Variants in IL12RB1 observed in about 807,000 individuals in gnomAD.
The protein encoded by IL12RB1 is interleukin-12 receptor subunit beta-1.
Under a neutral mutation model 94.4 loss-of-function variants are expected in IL12RB1, and 64 were observed. The observed-to-expected ratio is 0.68, with a 90% CI of 0.55 to 0.83. IL12RB1 has a LOEUF of 0.83. IL12RB1 is among the 40% of genes least tolerant of loss of function. The pLI, the probability that IL12RB1 is intolerant of heterozygous loss-of-function variation, is 0.00. For synonymous variants in IL12RB1, 362 were observed against 355.5 expected (o/e 1.02, Z -0.21); for missense variants, 814 against 855.6 (o/e 0.95, Z 0.61).
exon 1 of IL12RB1, chr19:18,098,833 C>T (rs2037275438): frequency 2.2e-6 from 1 of 456,114 alleles, no homozygotes; most frequent in Non-Finnish European, 4.4e-6. Context: ...TCTGGAGCTG[C>T]CCTCCTAGAA....
chr19:18,066,021 G>T (rs2034553349), intron 12 of IL12RB1, among the ~76,000 whole-genome samples: 1 of 147,458 alleles, frequency 6.8e-6, no homozygotes, highest in African/African-American at 2.5e-5. Flanking sequence ...CCTGGGCACA[G>T]AGTGAGTCCC....
intron 13 of IL12RB1, among the ~76,000 whole-genome samples, chr19:18,063,567 A>G (rs12976908): frequency 0.28 from 42,068 of 152,026 alleles, 7,456 homozygotes; most frequent in Non-Finnish European, 0.39. Flanking sequence ...GGCCAGAAGG[A>G]GGCAGAGAAG....
At chr19:18,065,931 A>C (rs1424026311) in intron 12 of IL12RB1, among the ~76,000 whole-genome samples, 2 of 148,814 alleles carry the variant, frequency 1.3e-5, no homozygotes, top group African/African-American at 4.9e-5. Flanking sequence ...TCCAGCTACT[A>C]GGGAGGCTGA....
rs1159530606 is a variant in IL12RB1, at chr19:18,066,708, T to A, written c.1328-11A>T. The A allele has an allele frequency of 6.2e-7, 1 of 1,603,902 alleles. No individual in the cohort carries two copies. The highest frequency in any genetic ancestry group is 8.5e-7 in the Non-Finnish European group (1 of 1,172,986). On this transcript the variant is annotated splice_polypyrimidine_tract_variant and intron_variant, in intron 11 of 16. Transcript: ENST00000593993. ...TCCCAGCTGCTGAGGCTGCAACCAG[T>A]ACCATTGTCATAGTCAACACCAAGA...
At chr19:18,082,841 C>A (rs1017791861) in intron 2 of IL12RB1, among the ~76,000 whole-genome samples, 3 of 152,162 alleles carry the variant, frequency 2.0e-5, no homozygotes, top group African/African-American at 7.2e-5. Flanking sequence ...CTTTGGGAGG[C>A]TGAGGCAGGT....
chr19:18,066,232 C>T (rs1327802131), intron 12 of IL12RB1, among the ~76,000 whole-genome samples: 4 of 152,014 alleles, frequency 2.6e-5, no homozygotes, highest in African/African-American at 9.6e-5. Flanking sequence ...CTCAGCCTCC[C>T]GTGTAGCTAG....
chr19:18,078,938 C>T (rs1385885808), intron 4 of IL12RB1, among the ~76,000 whole-genome samples: 5 of 151,938 alleles, frequency 3.3e-5, no homozygotes, highest in Non-Finnish European at 4.4e-5. Context: ...CAGGGGCCCA[C>T]GCCTGTACTC....
chr19:18,080,370 C>T (rs1056071026), intron 4 of IL12RB1, among the ~76,000 whole-genome samples: 1 of 152,146 alleles, frequency 6.6e-6, no homozygotes, highest in African/African-American at 2.4e-5. Context: ...TCCCCAGTAG[C>T]TGGGACTACA....
At chr19:18,097,707 C>A in intron 1 of IL12RB1, 2 of 925,340 alleles carry the variant, frequency 2.2e-6, no homozygotes, top group Non-Finnish European at 1.4e-6. Context: ...TGTCAGCTGA[C>A]CGGCCTGGCC....
rs1384557199 is a variant in IL12RB1, at chr19:18,075,867, C to T, written c.582G>A (p.Glu194=). The part of the protein sequence containing the change: ...GDCGPQDDDT[E]SCLCPLEMNV... ...TCATCTCCAGGGGGCAGAGGCAGGA[C>T]TCTGGGGAGAGGCAGGTCGAACATC... Residue 194 remains glutamate, a splice_region_variant and synonymous_variant, in exon 7 of 17, where the codon GAG becomes GAA. Transcript: ENST00000593993. 1 of 1,613,576 alleles carries T rather than the reference C, an allele frequency of 6.2e-7. No homozygotes were observed. Among genetic ancestry groups the T allele is most frequent in the Non-Finnish European group, 8.5e-7 (1 of 1,179,536 alleles).
At position 18,066,597 on chromosome 19, in the gene IL12RB1, G is replaced by A. The variant is rs774098396; in HGVS notation, c.1428C>T (p.Gly476=). ...AGCGGACAACATACTCCTTTAGGAC[G>A]CCGGGACAGGTGCTCAGCAGGGATG... ...WAPSLLSTCP[G]VLKEYVVRCR... is the part of the protein sequence containing the mutation. The change falls in exon 12 of 17, where the codon GGC becomes GGT. Residue 476 remains glycine, a synonymous_variant. Coordinates refer to ENST00000593993, the MANE Select transcript of IL12RB1 (RefSeq NM_005535.3). The A allele has an allele frequency of 4.6e-5, 74 of 1,613,292 alleles. No homozygotes were observed. In the Admixed American group the frequency reaches 9.8e-4, roughly 21 times the overall value.
At chr19:18,080,108 T>C (rs2035787388) in intron 4 of IL12RB1, among the ~76,000 whole-genome samples, 1 of 151,886 alleles carries the variant, frequency 6.6e-6, no homozygotes, top group Non-Finnish European at 1.5e-5. Context: ...CAGGCTGGAA[T>C]GCAGTGACTT....
At chr19:18,072,395 A>C in intron 8 of IL12RB1, 46 bp from the exon 9 acceptor site, 1 of 1,237,864 alleles carries the variant, frequency 8.1e-7, no homozygotes, top group Non-Finnish European at 1.2e-6. Context: ...GATCACACTC[A>C]TCATCCCATA....
chr19:18,084,292 A>ATCCC (rs2036161324), intron 1 of IL12RB1, among the ~76,000 whole-genome samples: 1 of 147,452 alleles, frequency 6.8e-6, no homozygotes, highest in Non-Finnish European at 1.5e-5. Flanking sequence ...CTATCCATCC[A>ATCCC]TCCATCCATC....
rs189309495 is a variant in IL12RB1 at position 18,082,261 on chromosome 19, G to A, written c.128C>T (p.Ser43Leu). ...TCTCAGGTCCCTAGGGCCCGAGGCC[G>A]AGCCTGGAAGAGATCCTGTAGGCTT... ...DPPYPDADSG[S>L]ASGPRDLRCY... is the part of the protein sequence containing the mutation. The change falls in exon 3 of 17, where the codon TCG becomes TTG. Residue 43 changes from serine to leucine, a missense_variant. By Grantham distance (145) the Ser-to-Leu change is moderately radical. Coordinates refer to ENST00000593993, the MANE Select transcript of IL12RB1 (RefSeq NM_005535.3). The A allele has an allele frequency of 3.5e-5, 55 of 1,587,336 alleles. No individual in the cohort carries two copies. Among genetic ancestry groups the A allele is most frequent in the African/African-American group, 2.8e-4 (21 of 74,396 alleles).
At chr19:18,091,240 C>A (rs1332894857), upstream of IL12RB1, among the ~76,000 whole-genome samples, 1 of 152,238 alleles carries the variant, frequency 6.6e-6, no homozygotes, top group Non-Finnish European at 1.5e-5. Context: ...AAGCCCACCT[C>A]CTTCCCTCCG....
upstream of IL12RB1, chr19:18,086,978 C>T: frequency 6.7e-7 from 1 of 1,494,552 alleles, no homozygotes; most frequent in Non-Finnish European, 9.0e-7. Flanking sequence ...CACAGCCCAT[C>T]CCTAAGGCAA....
intron 14 of IL12RB1, 56 bp downstream of exon 14, chr19:18,062,125 C>G: frequency 8.3e-7 from 1 of 1,208,994 alleles, no homozygotes; most frequent in African/African-American, 1.5e-5. Flanking sequence ...CACTTTAGGG[C>G]TCCCCTGCCC....
intron 5 of IL12RB1, 116 bp downstream of exon 5, chr19:18,077,400 G>T (rs1011922393): frequency 2.5e-6 from 2 of 804,434 alleles, no homozygotes; most frequent in South Asian, 1.4e-5. Flanking sequence ...CACCTCAGGG[G>T]CTAGAGTGGG....
Sources: allele counts gnomAD v4.1 joint callset (sites outside exome capture counted in the v4.1 genomes callset), GRCh38; gene constraint gnomAD v4.1.1; transcripts MANE v1.5; gene names NCBI Gene and HGNC (gene_info 2026-07-23, HGNC 2026-07-21).